SLC2A7: variants seen among roughly 807,000 people sequenced by gnomAD.
SLC2A7 encodes solute carrier family 2, facilitated glucose transporter member 7.
In SLC2A7, 50 loss-of-function variants were observed where a neutral mutation model predicts 50.5. The observed-to-expected ratio is 0.99, with a 90% CI of 0.79 to 1.25. The LOEUF is 1.25. Among genes scored for constraint, SLC2A7 ranks in the 50% most tolerant of loss-of-function variants. SLC2A7 has a pLI of 0.00. For missense variants in SLC2A7, 683 were observed against 679.1 expected (o/e 1.01, Z -0.06); for synonymous variants, 308 against 300.4 (o/e 1.03, Z -0.26).
chr1:9,018,565 G>A (rs1220138059), intron 4 of SLC2A7, among the ~76,000 whole-genome samples, 190 bp from the exon 5 acceptor site: 7 of 152,208 alleles, frequency 4.6e-5, no homozygotes, highest in Non-Finnish European at 7.4e-5. Flanking sequence ...CAGCCCCCAC[G>A]GGGGAGTCAC....
chr1:9,009,332 T>C (rs1005211546), intron 9 of SLC2A7, among the ~76,000 whole-genome samples: 2 of 152,232 alleles, frequency 1.3e-5, no homozygotes, highest in African/African-American at 4.8e-5. Flanking sequence ...ACACCACGTA[T>C]TTTCATCACT....
intron 10 of SLC2A7, among the ~76,000 whole-genome samples, chr1:9,005,446 C>T (rs759539127): frequency 3.3e-5 from 5 of 152,096 alleles, no homozygotes; most frequent in Non-Finnish European, 7.4e-5. Context: ...TAATACTGTG[C>T]GTCTGTTTAG....
At chr1:9,024,881 G>C (rs1640971414) in intron 2 of SLC2A7, 95 bp downstream of exon 2, 1 of 1,413,454 alleles carries the variant, frequency 7.1e-7, no homozygotes, top group Non-Finnish European at 9.9e-7. Context: ...CTACAGGCAA[G>C]ATGGCAGCCT....
rs941152921 is a variant in SLC2A7 at position 9,020,268 on chromosome 1, T to TCC, written c.312-937_312-936dup. 2.3e-4 allele frequency among the ~76,000 whole-genome samples: 35 copies of TCC among 152,248 alleles called. 1 individual carries two copies. The highest frequency in any genetic ancestry group is 7.9e-4 in the African/African-American group (33 of 41,530). ...GGGCTGTCCCAGGAGGTAGAGAGCT[T>TCC]CCCATCACTGGTGGTATTCAAGCTG... On this transcript the variant is annotated intron_variant, in intron 3 of 11. Coordinates refer to ENST00000400906, the MANE Select transcript of SLC2A7 (RefSeq NM_207420.3).
chr1:9,015,258 G>T lies in SLC2A7; in HGVS notation c.590-16C>A. ...ACCGGCCAGCCTGCAAGGAGCCAAG[G>T]ACTCAGGATCCCGGGGCCTGGGCAC... On this transcript the variant is annotated splice_polypyrimidine_tract_variant and intron_variant, in intron 5 of 11. Coordinates refer to ENST00000400906, the MANE Select transcript of SLC2A7 (RefSeq NM_207420.3). 6.4e-7 allele frequency: 1 copy of T among 1,574,274 alleles called. No homozygotes were observed.
At chr1:8,998,860 A>AT (rs935024357), downstream of SLC2A7, among the ~76,000 whole-genome samples, 1 of 152,046 alleles carries the variant, frequency 6.6e-6, no homozygotes, top group Non-Finnish European at 1.5e-5. Flanking sequence ...ATGGTTACTA[A>AT]TTTTTGTATC....
chr1:9,014,752 G>T lies in SLC2A7; in HGVS notation c.832C>A (p.Arg278=), dbSNP rs765822995. ...HLSVLHLCAL[R]SLRWQLLSII... ...GAGAGGAGCTGCCAGCGCAGGGACC[G>T]CAGGGCACAGAGGTGCAGCACAGAC... is the stretch of plus-strand genomic sequence containing the variant. Residue 278 remains arginine, a synonymous_variant, in exon 7 of 12, where the codon CGG becomes AGG. Coordinates refer to ENST00000400906, the MANE Select transcript of SLC2A7 (RefSeq NM_207420.3). 9 of 1,585,132 alleles carry T rather than the reference G, an allele frequency of 5.7e-6. No homozygotes were observed. The South Asian group carries it at 9.2e-5, about 16-fold the overall frequency.
the SLC2A7 span, among the ~76,000 whole-genome samples, chr1:8,994,973 G>A: frequency 6.6e-6 from 1 of 151,228 alleles, no homozygotes; most frequent in African/African-American, 2.4e-5. Flanking sequence ...GTTTCACCAT[G>A]TTGCCCAGGC....
chr1:9,013,710 A>AG, intron 7 of SLC2A7, 75 bp from the exon 8 acceptor site: 1 of 1,303,454 alleles, frequency 7.7e-7, no homozygotes, highest in East Asian at 2.4e-5. Flanking sequence ...AACTCAAGCC[A>AG]CACACAGTTC....
chr1:9,013,474 G>A (rs761181576), intron 8 of SLC2A7, 51 bp downstream of exon 8: 81 of 1,532,178 alleles, frequency 5.3e-5, no homozygotes, highest in South Asian at 1.7e-4. Flanking sequence ...TCTGCCTGGC[G>A]GCACCTGGCC....
At chr1:9,015,283 C>T (rs1271663736) in intron 5 of SLC2A7, 41 bp from the exon 6 acceptor site, 1 of 1,528,644 alleles carries the variant, frequency 6.5e-7, no homozygotes. Context: ...GGCCTGGGCA[C>T]CCCCTGGCCC....
chr1:9,007,587 G>A (rs908517733), intron 9 of SLC2A7, among the ~76,000 whole-genome samples: 11 of 152,174 alleles, frequency 7.2e-5, no homozygotes, highest in African/African-American at 2.2e-4. Context: ...GCTCCCTCCA[G>A]CCTCACCTGA....
In SLC2A7 at chr1:9,003,443, TA is replaced by T; in HGVS notation, c.1395del (p.Ile466PhefsTer12). The T allele has an allele frequency of 1.2e-6, 2 of 1,614,218 alleles. No individual in the cohort carries two copies. The highest frequency in any genetic ancestry group is 1.7e-6 in the Non-Finnish European group (2 of 1,180,042). ...AATGTTTTGCCCTTGGTCTCCGGAA[TA>T]ACCACGTAGATGTAAATCGCAGTGA... ...CLLTAIYIYV[V>X]IPETKGKTFV... On this transcript the variant is annotated frameshift_variant, in exon 12 of 12. Coordinates refer to ENST00000400906, the MANE Select transcript of SLC2A7 (RefSeq NM_207420.3). LOFTEE classifies it low-confidence loss of function (END_TRUNC).
chr1:9,017,960 C>T (rs557224783), intron 5 of SLC2A7, among the ~76,000 whole-genome samples: 1 of 152,034 alleles, frequency 6.6e-6, no homozygotes, highest in East Asian at 1.9e-4. Flanking sequence ...CTTCTCTCGA[C>T]CTCACTTCCC....
At chr1:9,003,774 C>T (rs1265816711) in intron 11 of SLC2A7, among the ~76,000 whole-genome samples, 4 of 152,160 alleles carry the variant, frequency 2.6e-5, no homozygotes, top group East Asian at 3.8e-4. Flanking sequence ...AGGAGAATCG[C>T]TTGAACCCAG....
chr1:9,011,195 T>C (rs116122366), intron 8 of SLC2A7, among the ~76,000 whole-genome samples: 150 of 152,350 alleles, frequency 9.8e-4, no homozygotes, highest in African/African-American at 3.3e-3. Context: ...TTCCCCTTCA[T>C]GCCTCTGCTT....
chr1:9,018,020 C>G (rs985837315), intron 5 of SLC2A7, among the ~76,000 whole-genome samples: 4 of 152,116 alleles, frequency 2.6e-5, no homozygotes, highest in Non-Finnish European at 5.9e-5. Flanking sequence ...CCTCAGAGCC[C>G]GATTCCCATT....
chr1:9,005,583 A>G (rs951085961), intron 10 of SLC2A7, among the ~76,000 whole-genome samples: 1 of 152,014 alleles, frequency 6.6e-6, no homozygotes, highest in African/African-American at 2.4e-5. Flanking sequence ...GGTCTCACAG[A>G]TCACTGGAGG....
chr1:9,022,830 A>G, intron 3 of SLC2A7, 88 bp downstream of exon 3: 1 of 1,527,306 alleles, frequency 6.5e-7, no homozygotes, highest in Non-Finnish European at 8.9e-7. Context: ...TCAGGGTCAC[A>G]CGTCTCCCCA....
Sources: allele counts gnomAD v4.1 joint callset (sites outside exome capture counted in the v4.1 genomes callset), GRCh38; gene constraint gnomAD v4.1.1; transcripts MANE v1.5; gene names NCBI Gene and HGNC (gene_info 2026-07-23, HGNC 2026-07-21).